CNTN4: variants seen among roughly 807,000 people sequenced by gnomAD.
CNTN4 encodes the protein contactin-4.
CNTN4 carries 77 observed loss-of-function variants against 122.5 expected under a neutral mutation model. The observed-to-expected ratio is 0.63, with a 90% CI of 0.52 to 0.76. The LOEUF (loss-of-function observed/expected upper bound fraction) is 0.76. CNTN4 is among the 30% of genes least tolerant of loss of function. CNTN4 has a pLI of 0.00. For missense variants in CNTN4, 1,256 were observed against 1,259.1 expected, an observed-to-expected ratio of 1.00 and a Z score of 0.04; for synonymous variants, 512 against 447.0, an observed-to-expected ratio of 1.15 and a Z score of -1.83.
chr3:2,466,970 C>CTTTCTTTTTTTTTTTTTTT (rs1392656721), intron 3 of CNTN4, among the ~76,000 whole-genome samples: 1 of 115,814 alleles, frequency 8.6e-6, no homozygotes, highest in Non-Finnish European at 1.7e-5. Context: ...TTCTTTCTTT[C>CTTTCTTTTTTTTTTTTTTT]TTTTTTTTTT....
intron 2 of CNTN4, chr3:2,132,450 G>T (rs184407096): frequency 3.9e-5 from 6 of 152,276 alleles, no homozygotes; most frequent in African/African-American, 9.6e-5. Context: ...AAACAGGTTT[G>T]CTGTGAAGAA....
intron 4 of CNTN4, among the ~76,000 whole-genome samples, chr3:2,644,875 C>A (rs1305172279): frequency 6.7e-6 from 1 of 149,382 alleles, no homozygotes; most frequent in Non-Finnish European, 1.5e-5. Context: ...GTCTTGTATT[C>A]TGCAAACATC....
chr3:2,629,291 C>T (rs6786824), intron 4 of CNTN4, among the ~76,000 whole-genome samples: 2,247 of 152,276 alleles, frequency 0.015, 64 homozygotes, highest in African/African-American at 0.051. Flanking sequence ...CCTGTTGGCA[C>T]CTCAGTCTTG....
At chr3:2,902,780 TC>T in intron 11 of CNTN4, 95 bp from the exon 12 acceptor site, 1 of 1,323,438 alleles carries the variant, frequency 7.6e-7, no homozygotes, top group South Asian at 1.3e-5. Flanking sequence ...GCTGTTTTCT[TC>T]CCATTAAGCT....
intron 13 of CNTN4, among the ~76,000 whole-genome samples, chr3:2,926,441 G>A (rs1008291253): frequency 6.6e-5 from 10 of 152,098 alleles, no homozygotes; most frequent in African/African-American, 1.7e-4. Flanking sequence ...TAGCTTGCAC[G>A]AAATGGCAGG....
At chr3:2,461,287 C>G (rs910944156) in intron 3 of CNTN4, among the ~76,000 whole-genome samples, 2 of 152,092 alleles carry the variant, frequency 1.3e-5, no homozygotes, top group Non-Finnish European at 2.9e-5. Context: ...AAGCTACTAA[C>G]TGTTTTCACT....
intron 2 of CNTN4, among the ~76,000 whole-genome samples, chr3:2,184,108 A>G (rs2149297559): frequency 6.6e-6 from 1 of 152,110 alleles, no homozygotes; most frequent in African/African-American, 2.4e-5. Context: ...AGTAGCTGGG[A>G]CCACTATCAC....
At chr3:2,425,748 A>C (rs1457424815) in intron 3 of CNTN4, among the ~76,000 whole-genome samples, 1 of 152,120 alleles carries the variant, frequency 6.6e-6, no homozygotes, top group Non-Finnish European at 1.5e-5. Flanking sequence ...TTCATTGAGC[A>C]GTGCTTTGTA....
rs2091169183 is a variant in CNTN4, at chr3:2,773,004, G to A, written c.358+27307G>A. On this transcript the variant is annotated intron_variant, in intron 6 of 24. Coordinates refer to ENST00000418658, the MANE Select transcript of CNTN4 (RefSeq NM_175607.3). ...AGAGAAATCAGATAAGATAAGGATT[G>A]AAAAATGCCCACTGGATCTGGCAAC... is the stretch of plus-strand genomic sequence containing the variant. Among the ~76,000 whole-genome samples, 4 of 152,168 alleles carry A rather than the reference G, an allele frequency of 2.6e-5. No individual in the cohort carries two copies. The South Asian group carries it at 8.3e-4, about 32-fold the overall frequency.
rs1375527641 is a variant in CNTN4, at chr3:3,004,458, CA to C, written c.1486+15987del. On this transcript the variant is annotated intron_variant, in intron 14 of 24. Coordinates refer to ENST00000418658, the MANE Select transcript of CNTN4 (RefSeq NM_175607.3). ...GTGACACCGTACCTGATATTTAAGG[CA>C]GAGTTACTGGACAGAGAAGGTCTCT... Among the ~76,000 whole-genome samples, 3 of 152,162 alleles carry C rather than the reference CA, an allele frequency of 2.0e-5. No individual in the cohort carries two copies. In the South Asian group the frequency reaches 6.2e-4, roughly 32 times the overall value.
intron 13 of CNTN4, among the ~76,000 whole-genome samples, chr3:2,939,744 G>T (rs925947285): frequency 3.9e-5 from 6 of 152,216 alleles, no homozygotes; most frequent in Non-Finnish European, 5.9e-5. Flanking sequence ...ATCTCTGGAA[G>T]TAGAGTACCC....
At chr3:2,236,155 A>G (rs985988186) in intron 2 of CNTN4, among the ~76,000 whole-genome samples, 6 of 152,210 alleles carry the variant, frequency 3.9e-5, no homozygotes, top group African/African-American at 1.4e-4. Flanking sequence ...AATCATTATG[A>G]AGTTACAGGA....
At chr3:2,856,015 ACTTT>A (rs1298109408) in intron 7 of CNTN4, among the ~76,000 whole-genome samples, 1 of 152,138 alleles carries the variant, frequency 6.6e-6, no homozygotes, top group Non-Finnish European at 1.5e-5. Flanking sequence ...AAAGAGATAT[ACTTT>A]CTTATTTACA....
intron 3 of CNTN4, among the ~76,000 whole-genome samples, chr3:2,450,656 A>G (rs1192230766): frequency 6.6e-6 from 1 of 152,138 alleles, no homozygotes; most frequent in Non-Finnish European, 1.5e-5. Flanking sequence ...GCCAAATGCC[A>G]CTCAAGGTTT....
intron 4 of CNTN4, among the ~76,000 whole-genome samples, chr3:2,616,772 G>A (rs1259156008): frequency 1.3e-5 from 2 of 152,136 alleles, no homozygotes. Flanking sequence ...AAAACAGCAT[G>A]GTACTGGTAG....
chr3:2,292,854 A>G (rs1289938854), intron 2 of CNTN4, among the ~76,000 whole-genome samples: 3 of 152,272 alleles, frequency 2.0e-5, no homozygotes, highest in South Asian at 2.1e-4. Flanking sequence ...TACTATAAAT[A>G]AAACAGTTAT....
rs562008320 is a variant in CNTN4, at chr3:2,950,957, T to C, written c.1358+25178T>C. Among the ~76,000 whole-genome samples the C allele has an allele frequency of 4.3e-4, 65 of 152,350 alleles. No individual in the cohort carries two copies. The South Asian group carries it at 0.012, about 28-fold the overall frequency. On this transcript the variant is annotated intron_variant, in intron 13 of 24. Coordinates refer to ENST00000418658, the MANE Select transcript of CNTN4 (RefSeq NM_175607.3). ...ATAGTACTTGACACATAATGGACATTAAATACATATATGATGAATGAATTC... is the reference window on the plus strand; with the variant it reads ...ATAGTACTTGACACATAATGGACATCAAATACATATATGATGAATGAATTC...
At chr3:2,614,573 A>C (rs1285155044) in intron 4 of CNTN4, among the ~76,000 whole-genome samples, 1 of 152,108 alleles carries the variant, frequency 6.6e-6, no homozygotes, top group African/African-American at 2.4e-5. Context: ...GATGTTTGGG[A>C]GATAGGATGG....
chr3:2,446,694 T>C (rs1020002083), intron 3 of CNTN4, among the ~76,000 whole-genome samples: 1 of 152,224 alleles, frequency 6.6e-6, no homozygotes, highest in African/African-American at 2.4e-5. Flanking sequence ...TTAGGTTTGA[T>C]ACTTAGATGA....
Sources: gnomAD v4.1 joint callset for allele counts (sites outside exome capture counted in the v4.1 genomes callset) on GRCh38, gnomAD v4.1.1 for gene constraint, MANE v1.5 for transcripts, NCBI Gene and HGNC (gene_info 2026-07-23, HGNC 2026-07-21) for gene names.